Variants in BAIAP2 observed in about 807,000 individuals in gnomAD.
BAIAP2 encodes BAR/IMD domain containing adaptor protein 2.
In BAIAP2, 18 loss-of-function variants were observed where a neutral mutation model predicts 63.0. That is an observed-to-expected ratio of 0.29 (90% CI 0.20 to 0.42). BAIAP2 has a LOEUF of 0.42. BAIAP2 is among the 10% of genes least tolerant of loss of function. The pLI, the probability that BAIAP2 is intolerant of heterozygous loss-of-function variation, is 1.00. For synonymous variants in BAIAP2, 386 were observed against 307.6 expected (o/e 1.25, Z -2.67); for missense variants, 610 against 734.3 (o/e 0.83, Z 1.96).
chr17:81,115,723 C>G (rs1009866829), intron 13 of BAIAP2, 47 bp from the exon 14 acceptor site: 3 of 1,611,518 alleles, frequency 1.9e-6, no homozygotes, highest in Admixed American at 1.7e-5. Flanking sequence ...GCACAATTCA[C>G]CCATGGCTTC....
intron 6 of BAIAP2, among the ~76,000 whole-genome samples, chr17:81,098,479 C>T (rs2058018583): frequency 6.6e-6 from 1 of 151,998 alleles, no homozygotes. Flanking sequence ...CCACGGTAAC[C>T]ATCTTTAAGT....
chr17:81,059,745 C>A (rs746309377), intron 3 of BAIAP2, among the ~76,000 whole-genome samples: 1 of 152,240 alleles, frequency 6.6e-6, no homozygotes, highest in East Asian at 1.9e-4. Flanking sequence ...GCCACCACGC[C>A]TGGCTGAAAG....
chr17:81,090,973 C>T (rs1270654465), intron 6 of BAIAP2, among the ~76,000 whole-genome samples: 1 of 152,178 alleles, frequency 6.6e-6, no homozygotes, highest in African/African-American at 2.4e-5. Context: ...AGAGGAAGCA[C>T]CCTGGGCTGG....
chr17:81,074,810 G>A (rs113907060), intron 3 of BAIAP2, among the ~76,000 whole-genome samples: 1 of 152,374 alleles, frequency 6.6e-6, no homozygotes, highest in Non-Finnish European at 1.5e-5. Context: ...GGATGCGTGT[G>A]AGTGCATGTG....
At chr17:81,109,761 G>A (rs1417250468) in intron 13 of BAIAP2, 3 of 985,448 alleles carry the variant, frequency 3.0e-6, no homozygotes, top group African/African-American at 1.7e-5. Flanking sequence ...GGGGGCAGGC[G>A]CTGCCCAGCT....
At position 81,104,629 on chromosome 17, in the gene BAIAP2, G is replaced by A; in HGVS notation, c.1182G>A (p.Leu394=). 6.2e-7 allele frequency: 1 copy of A among 1,611,448 alleles called. No homozygotes were observed. Among genetic ancestry groups the A allele is most frequent in the Admixed American group, 1.7e-5 (1 of 59,884 alleles). The change falls in exon 10 of 14, where the codon CTG becomes CTA. Residue 394 remains leucine (L), a synonymous_variant. Transcript: ENST00000428708. The part of the protein sequence containing the change: ...SHAAGDNSTL[L]SFKEGDLITL... ...CTGCTGGGGACAACAGCACCCTCCT[G>A]AGCTTCAAGGAGGGTGACCTCATTA...
intron 7 of BAIAP2, 87 bp from the exon 8 acceptor site, chr17:81,103,415 G>C (rs2058748460): frequency 1.2e-5 from 15 of 1,248,234 alleles, no homozygotes; most frequent in Non-Finnish European, 1.5e-5. Context: ...GCCCCAGAGA[G>C]TGCTCAGGGA....
chr17:81,070,462 GACCTTAAACC>G (rs2052396229), intron 3 of BAIAP2, among the ~76,000 whole-genome samples: 1 of 152,222 alleles, frequency 6.6e-6, no homozygotes, highest in African/African-American at 2.4e-5. Context: ...TGCCCCGTCA[GACCTTAAACC>G]TCCTTGCGGA....
At chr17:81,107,506 C>T (rs2146019065) in intron 12 of BAIAP2, 1 of 152,774 alleles carries the variant, frequency 6.5e-6, no homozygotes, top group South Asian at 2.1e-4. Flanking sequence ...TAGGCTGGGG[C>T]AGGGTGTGAG....
At chr17:81,113,167 T>G (rs1480075664) in intron 13 of BAIAP2, among the ~76,000 whole-genome samples, 1 of 152,214 alleles carries the variant, frequency 6.6e-6, no homozygotes, top group African/African-American at 2.4e-5. Context: ...GGCCTCTGCA[T>G]TCTGAGGCCA....
chr17:81,098,164 C>CA, intron 6 of BAIAP2: 1 of 1,469,088 alleles, frequency 6.8e-7, no homozygotes. Flanking sequence ...GGGTTTGGAA[C>CA]TGTCACTTCC....
At chr17:81,106,614 C>A in intron 11 of BAIAP2, 131 bp from the exon 12 acceptor site, 1 of 1,092,982 alleles carries the variant, frequency 9.1e-7, no homozygotes, top group Non-Finnish European at 1.3e-6. Flanking sequence ...GGGCTGCCGC[C>A]TTGGCCTGAG....
chr17:81,094,078 C>T (rs372827032), intron 6 of BAIAP2, among the ~76,000 whole-genome samples: 4 of 152,272 alleles, frequency 2.6e-5, no homozygotes, highest in South Asian at 4.1e-4. Context: ...GCAGCTGACA[C>T]AGGGACCCTC....
At chr17:81,057,145 G>A (rs1334712938) in intron 2 of BAIAP2, among the ~76,000 whole-genome samples, 1 of 152,190 alleles carries the variant, frequency 6.6e-6, no homozygotes, top group African/African-American at 2.4e-5. Flanking sequence ...GCCCTGCCCC[G>A]CCCTTTCTGC....
At position 81,086,488 on chromosome 17, in the gene BAIAP2, G is replaced by A. The variant is rs777916497; in HGVS notation, c.397G>A (p.Ala133Thr). The A allele has an allele frequency of 4.9e-5, 79 of 1,614,050 alleles. 1 individual carries two copies. The East Asian group carries it at 1.2e-3, about 25-fold the overall frequency. The change falls in exon 6 of 14, where the codon GCC (alanine) becomes ACC (threonine). Residue 133 changes from alanine (A) to threonine (T), a missense_variant. Ala to Thr is a moderately conservative substitution (Grantham distance 58). This residue lies in a region of BAIAP2 where 389 missense variants were observed against 455.6 expected (regional missense o/e 0.85). Transcript: ENST00000428708. Reference protein sequence around the residue: ...YQTEQRSKGDALDKCQAELKK... With the variant: ...YQTEQRSKGDTLDKCQAELKK... ...GACTGAGCAAAGGAGCAAAGGCGAC[G>A]CCCTGGACAAGTGTCAGGCTGAGCT...
rs572904247 is a variant in BAIAP2 at position 81,101,556 on chromosome 17, AG to A, written c.642+1479del. Among the ~76,000 whole-genome samples, 8 of 152,280 alleles carry A rather than the reference AG, an allele frequency of 5.3e-5. No individual in the cohort carries two copies. In the East Asian group the frequency reaches 1.4e-3, roughly 26 times the overall value. ...CCCTGGTCATGTCTTTCTAAAATAA[AG>A]GGTTGCAGGGATCCACGGGCTATAC... On this transcript the variant is annotated intron_variant, in intron 7 of 13. Coordinates refer to ENST00000428708, the MANE Select transcript of BAIAP2 (RefSeq NM_001144888.2).
chr17:81,069,456 G>A (rs554963328), intron 3 of BAIAP2, among the ~76,000 whole-genome samples: 6 of 152,304 alleles, frequency 3.9e-5, no homozygotes, highest in Admixed American at 3.3e-4. Context: ...AGTGGTCCAC[G>A]GGGCGGCCGG....
intron 6 of BAIAP2, among the ~76,000 whole-genome samples, chr17:81,088,093 C>T (rs369354613): frequency 1.4e-4 from 22 of 152,006 alleles, no homozygotes; most frequent in African/African-American, 3.9e-4. Context: ...CACCGTGGAA[C>T]GTTTTGCTAC....
intron 1 of BAIAP2, among the ~76,000 whole-genome samples, chr17:81,047,254 A>T (rs1164966758): frequency 1.3e-5 from 2 of 151,728 alleles, no homozygotes; most frequent in East Asian, 3.9e-4. Context: ...TGAAGCCAGG[A>T]CTCTGGGCTC....
Sources: gnomAD v4.1 joint callset for allele counts (sites outside exome capture counted in the v4.1 genomes callset) on GRCh38, gnomAD v4.1.1 for gene constraint, gnomAD v4.1.1 regional missense constraint, MANE v1.5 for transcripts, NCBI Gene and HGNC (gene_info 2026-07-23, HGNC 2026-07-21) for gene names.